Variants in P4HA1 observed in about 807,000 individuals in gnomAD.
P4HA1 encodes the protein prolyl 4-hydroxylase subunit alpha 1, also known as prolyl 4-hydroxylase subunit alpha-1.
Under a neutral mutation model 72.8 loss-of-function variants are expected in P4HA1, and 24 were observed. That is an observed-to-expected ratio of 0.33 (90% CI 0.24 to 0.46). P4HA1 has a LOEUF of 0.46. Among genes scored for constraint, P4HA1 ranks in the 20% least tolerant of loss-of-function variants. The pLI is 1.00. For missense variants in P4HA1, 446 were observed against 640.6 expected, an observed-to-expected ratio of 0.70 and a Z score of 3.28; for synonymous variants, 201 against 218.8, an observed-to-expected ratio of 0.92 and a Z score of 0.72.
At chr10:73,027,960 C>T (rs532111455) in intron 10 of P4HA1, among the ~76,000 whole-genome samples, 58 of 152,080 alleles carry the variant, frequency 3.8e-4, no homozygotes, top group African/African-American at 1.2e-3. Flanking sequence ...GGAATCAGGA[C>T]GATACCTTAT....
chr10:73,045,079 C>T (rs1229840220), intron 8 of P4HA1, 28 bp from the exon 9 acceptor site: 2 of 1,587,868 alleles, frequency 1.3e-6, no homozygotes, highest in Non-Finnish European at 1.7e-6. Flanking sequence ...AAAATAGTTG[C>T]ATTACAAAAC....
intron 9 of P4HA1, among the ~76,000 whole-genome samples, chr10:73,032,951 T>A (rs1840470810): frequency 6.6e-6 from 1 of 152,218 alleles, no homozygotes; most frequent in Non-Finnish European, 1.5e-5. Context: ...ATCTTGCAAA[T>A]TTTTTGGGAC....
chr10:73,088,178 C>T (rs1037335226), intron 1 of P4HA1, among the ~76,000 whole-genome samples: 7 of 152,136 alleles, frequency 4.6e-5, no homozygotes, highest in African/African-American at 1.7e-4. Flanking sequence ...CAAACGTGTG[C>T]GACCAGACCC....
intron 9 of P4HA1, among the ~76,000 whole-genome samples, chr10:73,040,914 A>G (rs1378802127): frequency 1.3e-5 from 2 of 152,160 alleles, no homozygotes; most frequent in African/African-American, 4.8e-5. Context: ...TTTTTAAAGA[A>G]GGGGTTTTTT....
At chr10:73,077,296 C>T (rs761001828) in intron 1 of P4HA1, among the ~76,000 whole-genome samples, 6 of 152,200 alleles carry the variant, frequency 3.9e-5, no homozygotes, top group Non-Finnish European at 7.3e-5. Flanking sequence ...CAAATGTTGT[C>T]TAAACTTTTA....
intron 5 of P4HA1, among the ~76,000 whole-genome samples, chr10:73,055,622 G>A (rs923740677): frequency 1.3e-5 from 2 of 152,144 alleles, no homozygotes; most frequent in East Asian, 3.9e-4. Context: ...CAGCACTTGT[G>A]CTTTTGGTGT....
At chr10:73,088,644 C>G (rs1258082758) in intron 1 of P4HA1, among the ~76,000 whole-genome samples, 1 of 152,200 alleles carries the variant, frequency 6.6e-6, no homozygotes, top group Admixed American at 6.5e-5. Context: ...TCACTTGTCC[C>G]AATATTCACA....
At chr10:73,080,502 G>C (rs1002540196) in intron 1 of P4HA1, among the ~76,000 whole-genome samples, 2 of 152,198 alleles carry the variant, frequency 1.3e-5, no homozygotes, top group African/African-American at 4.8e-5. Flanking sequence ...AAGTACAACT[G>C]AATGTCTAAT....
chr10:73,057,347 G>A (rs766693771), intron 5 of P4HA1, among the ~76,000 whole-genome samples: 84 of 152,060 alleles, frequency 5.5e-4, no homozygotes, highest in Middle Eastern at 3.4e-3. Context: ...AAAATTAGCC[G>A]GGCGTGGTGG....
intron 1 of P4HA1, among the ~76,000 whole-genome samples, chr10:73,080,178 A>C (rs1271283877): frequency 1.3e-5 from 2 of 152,216 alleles, no homozygotes; most frequent in East Asian, 1.9e-4. Flanking sequence ...CTTTTTGCTT[A>C]AGCTAATTCA....
intron 1 of P4HA1, among the ~76,000 whole-genome samples, chr10:73,075,440 TAATTTATGCTTAA>T (rs1178641195): frequency 6.6e-6 from 1 of 152,160 alleles, no homozygotes; most frequent in African/African-American, 2.4e-5. Context: ...TATCACCTGA[TAATTTATGCTTAA>T]AAATTCAAGC....
intron 1 of P4HA1, among the ~76,000 whole-genome samples, chr10:73,084,935 T>A (rs1310723366): frequency 6.6e-6 from 1 of 151,852 alleles, no homozygotes; most frequent in African/African-American, 2.4e-5. Flanking sequence ...AGCTCAAGAG[T>A]TCGAGACCAG....
intron 11 of P4HA1, 49 bp from the exon 12 acceptor site, chr10:73,014,338 C>G: frequency 7.5e-7 from 1 of 1,329,440 alleles, no homozygotes. Flanking sequence ...TTCAGTAATA[C>G]AAATACTCTA....
intron 5 of P4HA1, among the ~76,000 whole-genome samples, chr10:73,059,424 TAAAAAAAAAAAAAAAAAAAAAAA>T (rs920360586): frequency 2.9e-4 from 7 of 24,178 alleles, no homozygotes; most frequent in African/African-American, 5.5e-4. Context: ...ACAATATATT[TAAAAAAAAAAAAAAAAAAAAAAA>T]AAAAAAAAAA....
Position 73,011,594 on chromosome 10 carries a change from T to C in P4HA1, c.1369-557A>G, listed in dbSNP as rs572918647. On this transcript the variant is annotated intron_variant, in intron 12 of 14. Transcript: ENST00000394890. ...AAAGTTAAAGGATTATATAAAGTTA[T>C]AGTCATAAAGATAACCTAGAATAAA... Among the ~76,000 whole-genome samples the C allele has an allele frequency of 8.5e-5, 13 of 152,306 alleles. No individual in the cohort carries two copies. The South Asian group carries it at 2.7e-3, about 32-fold the overall frequency.
chr10:73,034,239 A>G (rs925569458), intron 9 of P4HA1, among the ~76,000 whole-genome samples: 4 of 152,170 alleles, frequency 2.6e-5, no homozygotes, highest in African/African-American at 9.7e-5. Flanking sequence ...TTGTGGTAAA[A>G]TACATGTAAC....
chr10:73,027,541 T>C (rs1449203723), intron 10 of P4HA1, among the ~76,000 whole-genome samples: 3 of 143,854 alleles, frequency 2.1e-5, no homozygotes, highest in African/African-American at 7.8e-5. Flanking sequence ...GGCACATGTA[T>C]ACCTATGTAA....
chr10:73,053,293 T>G (rs569368332), intron 6 of P4HA1, 58 bp downstream of exon 6: 3 of 1,501,374 alleles, frequency 2.0e-6, no homozygotes, highest in Admixed American at 2.0e-5. Context: ...GACAGAAAAA[T>G]AGAGAATATA....
intron 1 of P4HA1, among the ~76,000 whole-genome samples, chr10:73,080,272 TA>T (rs1416474445): frequency 5.3e-5 from 8 of 152,282 alleles, no homozygotes; most frequent in African/African-American, 1.9e-4. Context: ...AGCTAGATAA[TA>T]AAAATGAAGA....
Sources: gnomAD v4.1 joint callset for allele counts (sites outside exome capture counted in the v4.1 genomes callset) on GRCh38, gnomAD v4.1.1 for gene constraint, MANE v1.5 for transcripts, NCBI Gene and HGNC (gene_info 2026-07-23, HGNC 2026-07-21) for gene names.